BCL2L11: variants seen among roughly 807,000 people sequenced by gnomAD.
BCL2L11 encodes the protein bcl-2-like protein 11.
In BCL2L11, 15 loss-of-function variants were observed where a neutral mutation model predicts 20.6. The observed-to-expected ratio is 0.73, with a 90% CI of 0.49 to 1.12. The LOEUF is 1.12. Ranked by LOEUF, BCL2L11 falls within the 50% of genes most tolerant of loss-of-function variation. The pLI is 0.00. For missense variants in BCL2L11, 292 were observed against 260.9 expected, an observed-to-expected ratio of 1.12 and a Z score of -0.82; for synonymous variants, 108 against 92.8, an observed-to-expected ratio of 1.16 and a Z score of -0.94.
At chr2:111,122,602 T>G (rs2071334679) in intron 1 of BCL2L11, 1 of 984,278 alleles carries the variant, frequency 1.0e-6, no homozygotes, top group African/African-American at 1.8e-5. Context: ...AGGTCGGCGG[T>G]GCCGGCGGCG....
intron 3 of BCL2L11, among the ~76,000 whole-genome samples, chr2:111,159,445 A>G (rs2078292385): frequency 6.6e-6 from 1 of 152,228 alleles, no homozygotes; most frequent in Non-Finnish European, 1.5e-5. Flanking sequence ...GCTTGGGCAC[A>G]CAAAGTCCAA....
At chr2:111,124,966 G>A (rs1386958382) in intron 2 of BCL2L11, among the ~76,000 whole-genome samples, 1 of 152,200 alleles carries the variant, frequency 6.6e-6, no homozygotes, top group South Asian at 2.1e-4. Flanking sequence ...AGGGATTAAA[G>A]GCAGTAGTAG....
At chr2:111,145,755 A>C (rs777309374) in intron 2 of BCL2L11, among the ~76,000 whole-genome samples, 21 of 152,296 alleles carry the variant, frequency 1.4e-4, no homozygotes, top group Middle Eastern at 3.4e-3. Context: ...CCAAAAATGG[A>C]TTAAGAATAC....
chr2:111,134,888 G>T (rs891985413), intron 2 of BCL2L11, among the ~76,000 whole-genome samples: 57 of 152,180 alleles, frequency 3.7e-4, no homozygotes, highest in Non-Finnish European at 1.2e-4. Flanking sequence ...CTGAATTGGT[G>T]TTCTCAACTA....
chr2:111,153,625 T>C (rs1321663495), intron 3 of BCL2L11, among the ~76,000 whole-genome samples: 1 of 152,196 alleles, frequency 6.6e-6, no homozygotes, highest in Admixed American at 6.5e-5. Flanking sequence ...GGCAAGCGAG[T>C]GTATCTCACT....
intron 2 of BCL2L11, among the ~76,000 whole-genome samples, chr2:111,144,862 C>T (rs563381218): frequency 3.1e-4 from 47 of 152,296 alleles, no homozygotes; most frequent in African/African-American, 1.1e-3. Context: ...GGTAGACAGC[C>T]CTGCAATGTC....
chr2:111,127,725 G>GC (rs777561101), intron 2 of BCL2L11, among the ~76,000 whole-genome samples: 9 of 152,134 alleles, frequency 5.9e-5, no homozygotes, highest in Non-Finnish European at 1.0e-4. Context: ...AGTGGTGACA[G>GC]CTGAGGTCTA....
chr2:111,164,093 A>AT, intron 3 of BCL2L11, 40 bp from the exon 4 acceptor site: 2 of 1,230,098 alleles, frequency 1.6e-6, no homozygotes, highest in Non-Finnish European at 2.4e-6. Context: ...CCACCCCCAA[A>AT]TTAGGGAGAA....
In BCL2L11 at chr2:111,125,828, T is replaced by C. The variant is rs893790200; in HGVS notation, c.394+1689T>C. 3.9e-5 allele frequency among the ~76,000 whole-genome samples: 6 copies of C among 152,288 alleles called. No homozygotes were observed. In the East Asian group the frequency reaches 5.8e-4, roughly 15 times the overall value. On this transcript the variant is annotated intron_variant, in intron 2 of 3. Transcript: ENST00000393256. ...GGGCTGGAAGTTTTATTATTGCTGTTACTACTGCTCGTGAACTCATTTCAG... is the reference window on the plus strand; with the variant it reads ...GGGCTGGAAGTTTTATTATTGCTGTCACTACTGCTCGTGAACTCATTTCAG...
chr2:111,155,410 C>T (rs987071600), intron 3 of BCL2L11, among the ~76,000 whole-genome samples: 2 of 150,094 alleles, frequency 1.3e-5, no homozygotes, highest in African/African-American at 2.5e-5. Context: ...AGATTGCGAC[C>T]CTCTGTAGAT....
In BCL2L11 at chr2:111,165,835, G is replaced by A. The variant is rs889819948; in HGVS notation, c.*1604G>A. ...AGTGCCACCAACTAGTGTTTTGCCC[G>A]ATAGAAGAGCCAGCATGTTCACGTT... is the stretch of plus-strand genomic sequence containing the variant. On this transcript the variant is annotated 3_prime_UTR_variant, in exon 4 of 4. Coordinates refer to ENST00000393256, the MANE Select transcript of BCL2L11 (RefSeq NM_138621.5). 6.6e-6 allele frequency: 1 copy of A among 152,144 alleles called. No homozygotes were observed. Among genetic ancestry groups the A allele is most frequent in the Non-Finnish European group, 1.5e-5 (1 of 68,036 alleles). The allele number at this position is 152,144 out of a possible 1,614,324, so 9.4% of individuals were successfully genotyped here.
chr2:111,148,708 GGT>G (rs1399030884), intron 2 of BCL2L11, among the ~76,000 whole-genome samples: 1 of 152,150 alleles, frequency 6.6e-6, no homozygotes, highest in African/African-American at 2.4e-5. Context: ...GGAGGGGATC[GGT>G]GTGTGTCCCT....
At chr2:111,158,221 A>G (rs2078118559) in intron 3 of BCL2L11, among the ~76,000 whole-genome samples, 1 of 152,132 alleles carries the variant, frequency 6.6e-6, no homozygotes, top group African/African-American at 2.4e-5. Flanking sequence ...CTTCTGTGTC[A>G]CTTAGTTGCC....
intron 3 of BCL2L11, chr2:111,151,837 G>T: frequency 6.5e-7 from 1 of 1,548,956 alleles, no homozygotes; most frequent in Non-Finnish European, 8.7e-7. Flanking sequence ...AAAACTCCTG[G>T]CATCCTCCAC....
chr2:111,155,952 G>T (rs1452369345), intron 3 of BCL2L11, among the ~76,000 whole-genome samples: 2 of 152,218 alleles, frequency 1.3e-5, no homozygotes, highest in Non-Finnish European at 2.9e-5. Flanking sequence ...TTGATGGAAA[G>T]AATTTAACGT....
chr2:111,154,468 C>G (rs954633643), intron 3 of BCL2L11, among the ~76,000 whole-genome samples: 27 of 152,190 alleles, frequency 1.8e-4, no homozygotes, highest in African/African-American at 6.3e-4. Flanking sequence ...GTTCCTCTGT[C>G]TTTGTCTTTT....
intron 2 of BCL2L11, among the ~76,000 whole-genome samples, chr2:111,145,335 CAG>C (rs1378777531): frequency 6.6e-6 from 1 of 152,122 alleles, no homozygotes; most frequent in Non-Finnish European, 1.5e-5. Context: ...GGCATCGTCA[CAG>C]AGAACAACTG....
chr2:111,125,574 A>G (rs1388745642), intron 2 of BCL2L11, among the ~76,000 whole-genome samples: 1 of 152,238 alleles, frequency 6.6e-6, no homozygotes, highest in African/African-American at 2.4e-5. Context: ...ACATTTCTAA[A>G]TACCATCCAG....
intron 2 of BCL2L11, among the ~76,000 whole-genome samples, chr2:111,126,934 C>T (rs555130564): frequency 3.9e-5 from 6 of 152,178 alleles, no homozygotes; most frequent in African/African-American, 1.4e-4. Flanking sequence ...TTTTGCAAAA[C>T]TTTGTTCTAA....
Sources: allele counts gnomAD v4.1 joint callset (sites outside exome capture counted in the v4.1 genomes callset), GRCh38; gene constraint gnomAD v4.1.1; transcripts MANE v1.5; gene names NCBI Gene and HGNC (gene_info 2026-07-23, HGNC 2026-07-21).